Variants in STXBP4 observed in about 807,000 individuals in gnomAD.
STXBP4 encodes the protein syntaxin binding protein 4.
STXBP4 carries 55 observed loss-of-function variants against 76.1 expected under a neutral mutation model. The observed-to-expected ratio is 0.72, with a 90% confidence interval of 0.58 to 0.91. The LOEUF is 0.91. Among genes scored for constraint, STXBP4 ranks in the 40% least tolerant of loss-of-function variants. The probability of loss-of-function intolerance (pLI) is 0.00; values close to 1 mark genes in which losing one functional copy is unlikely to be tolerated. For synonymous variants in STXBP4, 201 were observed against 220.2 expected, an observed-to-expected ratio of 0.91 and a Z score of 0.77; for missense variants, 618 against 636.9, an observed-to-expected ratio of 0.97 and a Z score of 0.32.
At position 55,028,376 on chromosome 17, in the gene STXBP4, T is replaced by G. The variant is rs547778412; in HGVS notation, c.667-2792T>G. ...TGCAATATTTGTAAAATGTACAGAA[T>G]AGAAAGGAGTAATATATTGATAATT... On this transcript the variant is annotated intron_variant, in intron 8 of 17. Coordinates refer to ENST00000376352, the MANE Select transcript of STXBP4 (RefSeq NM_178509.6). Among the ~76,000 whole-genome samples the G allele has an allele frequency of 3.0e-4, 45 of 152,206 alleles. 1 individual carries two copies. The highest frequency in any genetic ancestry group is 6.8e-3 in the Middle Eastern group (2 of 294).
chr17:55,000,639 CT>C (rs1286845867), intron 6 of STXBP4, among the ~76,000 whole-genome samples, 168 bp from the exon 7 acceptor site: 1 of 152,084 alleles, frequency 6.6e-6, no homozygotes, highest in Middle Eastern at 3.2e-3. Context: ...CAATTGTTAC[CT>C]TTAATTCTGA....
intron 17 of STXBP4, among the ~76,000 whole-genome samples, chr17:55,144,017 A>ACGCG (rs2080123341): frequency 1.5e-5 from 2 of 137,108 alleles, no homozygotes; most frequent in Admixed American, 1.4e-4. Context: ...ACACACACAC[A>ACGCG]CACACACACA....
intron 10 of STXBP4, among the ~76,000 whole-genome samples, chr17:55,041,624 T>C (rs951245284): frequency 6.6e-6 from 1 of 152,132 alleles, no homozygotes; most frequent in African/African-American, 2.4e-5. Context: ...TTGTGTTTTG[T>C]TTACTTTAGT....
chr17:55,038,367 C>T (rs984081631), intron 10 of STXBP4, among the ~76,000 whole-genome samples: 4 of 151,900 alleles, frequency 2.6e-5, no homozygotes, highest in Non-Finnish European at 5.9e-5. Flanking sequence ...TATTTTTGCC[C>T]CTTATTGAAT....
At chr17:55,099,912 C>G (rs952068696) in intron 16 of STXBP4, among the ~76,000 whole-genome samples, 6 of 151,870 alleles carry the variant, frequency 4.0e-5, no homozygotes, top group Non-Finnish European at 7.4e-5. Context: ...ACCTTTTTTT[C>G]AGAGCAACAC....
At chr17:54,983,027 G>A (rs528124191) in intron 1 of STXBP4, among the ~76,000 whole-genome samples, 5 of 152,248 alleles carry the variant, frequency 3.3e-5, no homozygotes, top group Non-Finnish European at 5.9e-5. Flanking sequence ...CTTTCTGTAT[G>A]ACTTATTTTT....
At position 55,149,267 on chromosome 17, in the gene STXBP4, G is replaced by A. The variant is rs2080189262; in HGVS notation, c.1547+7900G>A. ...TTACCTAGCACAGGGCCTGGTATTT[G>A]TAGGGATGATAAATATTTATCGAAT... On this transcript the variant is annotated intron_variant, in intron 17 of 17. Transcript: ENST00000376352. Among the ~76,000 whole-genome samples, 7 of 152,278 alleles carry A rather than the reference G, an allele frequency of 4.6e-5. No homozygotes were observed. The South Asian group carries it at 8.3e-4, about 18-fold the overall frequency.
chr17:55,172,873 C>T lies in STXBP4; in HGVS notation c.*12962C>T, dbSNP rs761660923. On this transcript the variant is annotated 3_prime_UTR_variant, in exon 18 of 18. Coordinates refer to ENST00000376352, the MANE Select transcript of STXBP4 (RefSeq NM_178509.6). The stretch of plus-strand genomic sequence containing the variant: ...ACCCTGCACCTACACAAGGACTGAG[C>T]TGAGTTCTAGTTACCTGCTGTGAAG... 6.6e-6 allele frequency: 1 copy of T among 152,210 alleles called. No individual in the cohort carries two copies. Among genetic ancestry groups the T allele is most frequent in the Non-Finnish European group, 1.5e-5 (1 of 68,036 alleles). The allele number at this position is 152,210 out of a possible 1,614,324, so 9.4% of individuals were successfully genotyped here.
intron 16 of STXBP4, among the ~76,000 whole-genome samples, chr17:55,128,803 C>A (rs2529504): frequency 6.6e-6 from 1 of 151,660 alleles, no homozygotes; most frequent in Non-Finnish European, 1.5e-5. Flanking sequence ...TTTGTAGAGA[C>A]GGGGTTGCAC....
At chr17:55,112,425 T>C (rs757606222) in intron 16 of STXBP4, among the ~76,000 whole-genome samples, 3 of 152,216 alleles carry the variant, frequency 2.0e-5, no homozygotes, top group Non-Finnish European at 4.4e-5. Flanking sequence ...ATTCAATAAG[T>C]ATTTAACAAC....
At chr17:55,150,546 G>C (rs547267913) in intron 17 of STXBP4, among the ~76,000 whole-genome samples, 6 of 152,270 alleles carry the variant, frequency 3.9e-5, no homozygotes, top group African/African-American at 1.4e-4. Context: ...CCATATAGTA[G>C]CTTCTCCCAA....
At chr17:55,153,214 T>A (rs934884976) in intron 17 of STXBP4, among the ~76,000 whole-genome samples, 1 of 152,236 alleles carries the variant, frequency 6.6e-6, no homozygotes, top group Non-Finnish European at 1.5e-5. Flanking sequence ...GTCACAAGTC[T>A]AAGTTGGCAC....
intron 8 of STXBP4, among the ~76,000 whole-genome samples, chr17:55,021,691 T>C (rs1263438185): frequency 2.0e-5 from 3 of 152,256 alleles, no homozygotes; most frequent in Non-Finnish European, 4.4e-5. Context: ...TATCTAGTAG[T>C]TTTTAAAAAC....
chr17:55,050,459 C>T (rs1207964893), intron 12 of STXBP4, among the ~76,000 whole-genome samples: 3 of 151,886 alleles, frequency 2.0e-5, no homozygotes, highest in East Asian at 1.9e-4. Flanking sequence ...TAAGTCAAAC[C>T]GTCTAAAGAA....
rs1020443125 is a variant in STXBP4, at chr17:55,009,452, A to G, written c.666+1855A>G. On this transcript the variant is annotated intron_variant, in intron 8 of 17. Coordinates refer to ENST00000376352, the MANE Select transcript of STXBP4 (RefSeq NM_178509.6). ...ACTGCTTTACCTGACAGACTTTGTT[A>G]TTTTACTTAGTTTAAATTTTTCTAG... Among the ~76,000 whole-genome samples the G allele has an allele frequency of 1.4e-4, 21 of 152,242 alleles. 1 individual carries two copies. Among genetic ancestry groups the G allele is most frequent in the Admixed American group, 1.3e-3 (20 of 15,288 alleles).
chr17:55,111,912 GTT>G, intron 16 of STXBP4, among the ~76,000 whole-genome samples: 1 of 151,886 alleles, frequency 6.6e-6, no homozygotes, highest in Non-Finnish European at 1.5e-5. Context: ...TTGTTTGTTT[GTT>G]TGTTTGTTTG....
chr17:55,184,113 C>T, the STXBP4 span, among the ~76,000 whole-genome samples: 404 of 152,152 alleles, frequency 2.7e-3, 3 homozygotes, highest in African/African-American at 9.4e-3. Context: ...TGTCAAAGAA[C>T]TGAAATCACC....
intron 16 of STXBP4, among the ~76,000 whole-genome samples, chr17:55,129,103 C>T (rs2787492): frequency 0.65 from 98,442 of 151,314 alleles, 33,077 homozygotes; most frequent in African/African-American, 0.83. Flanking sequence ...CTAATTTTTG[C>T]ATTTTTAGTA....
chr17:55,040,086 T>C (rs1279539657), intron 10 of STXBP4, among the ~76,000 whole-genome samples: 1 of 152,086 alleles, frequency 6.6e-6, no homozygotes, highest in East Asian at 1.9e-4. Flanking sequence ...TGAAAGTAAC[T>C]CATTGGGAAT....
Sources: gnomAD v4.1 joint callset for allele counts (sites outside exome capture counted in the v4.1 genomes callset) on GRCh38, gnomAD v4.1.1 for gene constraint, MANE v1.5 for transcripts, NCBI Gene and HGNC (gene_info 2026-07-23, HGNC 2026-07-21) for gene names.